Variants in DGKB observed in about 807,000 individuals in gnomAD.
DGKB encodes the protein diacylglycerol kinase beta.
Under a neutral mutation model 114.3 loss-of-function variants are expected in DGKB, and 67 were observed. The ratio of observed to expected loss-of-function variants is 0.59; its 90% CI spans 0.48 to 0.72. The LOEUF (loss-of-function observed/expected upper bound fraction) is 0.72. Ranked by LOEUF, DGKB falls within the 30% of genes least tolerant of loss-of-function variation. The pLI is 0.00. For synonymous variants in DGKB, 398 were observed against 323.1 expected, an observed-to-expected ratio of 1.23 and a Z score of -2.49; for missense variants, 907 against 975.2, an observed-to-expected ratio of 0.93 and a Z score of 0.93.
intron 23 of DGKB, among the ~76,000 whole-genome samples, chr7:14,286,402 C>T (rs937998792): frequency 1.3e-5 from 2 of 152,112 alleles, no homozygotes; most frequent in African/African-American, 4.8e-5. Context: ...TGAAAGAATA[C>T]AGAGAATGTA....
At chr7:14,350,040 G>T (rs1813166511) in intron 21 of DGKB, among the ~76,000 whole-genome samples, 1 of 152,026 alleles carries the variant, frequency 6.6e-6, no homozygotes, top group Admixed American at 6.6e-5. Flanking sequence ...TAAACCCTAT[G>T]CCAATGAATG....
At chr7:14,872,212 C>T (rs1852574840) in intron 1 of DGKB, among the ~76,000 whole-genome samples, 1 of 152,114 alleles carries the variant, frequency 6.6e-6, no homozygotes, top group Non-Finnish European at 1.5e-5. Context: ...ATAAATGACA[C>T]CAATTTCTCC....
intron 1 of DGKB, among the ~76,000 whole-genome samples, chr7:14,843,061 G>A (rs1396273548): frequency 6.6e-6 from 1 of 151,878 alleles, no homozygotes; most frequent in Non-Finnish European, 1.5e-5. Context: ...AACATTAGTT[G>A]GATGTAGTGG....
chr7:14,400,934 C>T (rs768894190), intron 21 of DGKB, among the ~76,000 whole-genome samples: 12 of 151,664 alleles, frequency 7.9e-5, no homozygotes, highest in Non-Finnish European at 1.2e-4. Flanking sequence ...GGGAATCTAC[C>T]GAGCTATCCT....
intron 20 of DGKB, among the ~76,000 whole-genome samples, chr7:14,499,094 C>G (rs1378246571): frequency 6.6e-6 from 1 of 151,676 alleles, no homozygotes; most frequent in Non-Finnish European, 1.5e-5. Flanking sequence ...AAAGATAACT[C>G]TGTGGTTCGG....
rs549128104 is a variant in DGKB, at chr7:14,750,334, A to C, written c.168+3594T>G. On this transcript the variant is annotated intron_variant, in intron 4 of 25. Transcript: ENST00000402815. Reference sequence around the variant, plus strand: ...AATTGGTCTGCCGTTTGAGAAAAAAAAGATATACACAAATAAGGTATAACA... The same window carrying C: ...AATTGGTCTGCCGTTTGAGAAAAAACAGATATACACAAATAAGGTATAACA... 9.7e-4 allele frequency: 395 copies of C among 406,240 alleles called. 4 individuals carry two copies. The highest frequency in any genetic ancestry group is 6.8e-3 in the South Asian group (385 of 56,394). The allele number at this position is 406,240 out of a possible 1,614,324, so 25.2% of individuals were successfully genotyped here.
At chr7:14,417,390 T>A (rs527591705) in intron 21 of DGKB, among the ~76,000 whole-genome samples, 13 of 152,158 alleles carry the variant, frequency 8.5e-5, no homozygotes, top group Non-Finnish European at 8.8e-5. Context: ...AGTGGAGTTA[T>A]CCTGGCTCAG....
At chr7:14,602,084 C>G (rs66473448) in intron 17 of DGKB, among the ~76,000 whole-genome samples, 42,114 of 151,950 alleles carry the variant, frequency 0.28, 6,693 homozygotes, top group East Asian at 0.68. Flanking sequence ...TCCTTAGTAC[C>G]AATTCTGTCT....
chr7:14,386,439 G>A (rs1054018882), intron 21 of DGKB, among the ~76,000 whole-genome samples: 3 of 152,094 alleles, frequency 2.0e-5, no homozygotes, highest in Non-Finnish European at 4.4e-5. Flanking sequence ...GCCCTAACAC[G>A]TGACTCCTGT....
chr7:14,192,266 T>C (rs1183853546), intron 23 of DGKB: 1 of 205,260 alleles, frequency 4.9e-6, no homozygotes, highest in Non-Finnish European at 9.8e-6. Context: ...TTCACTAAAA[T>C]TGCAGGATAC....
chr7:14,759,049 C>A (rs746643863), intron 2 of DGKB, among the ~76,000 whole-genome samples: 1 of 152,124 alleles, frequency 6.6e-6, no homozygotes, highest in South Asian at 2.1e-4. Context: ...CTCAGCCTCC[C>A]AAGTAGCTGG....
chr7:14,225,462 C>A (rs1456305761), intron 23 of DGKB, among the ~76,000 whole-genome samples: 4 of 152,012 alleles, frequency 2.6e-5, no homozygotes, highest in Non-Finnish European at 4.4e-5. Context: ...TTTCTTAAAG[C>A]GGTTTTTATC....
At chr7:14,189,292 C>T (rs1466635420) in intron 23 of DGKB, among the ~76,000 whole-genome samples, 3 of 152,108 alleles carry the variant, frequency 2.0e-5, no homozygotes, top group Non-Finnish European at 4.4e-5. Context: ...GGAAGGAAAA[C>T]TGTCTAGAGT....
At chr7:14,760,341 A>C (rs1835504505) in intron 2 of DGKB, among the ~76,000 whole-genome samples, 1 of 152,152 alleles carries the variant, frequency 6.6e-6, no homozygotes, top group Non-Finnish European at 1.5e-5. Context: ...AGTTGAAACA[A>C]TAGCATTGCA....
At chr7:14,225,894 CA>C (rs1431053317) in intron 23 of DGKB, among the ~76,000 whole-genome samples, 1 of 151,498 alleles carries the variant, frequency 6.6e-6, no homozygotes, top group African/African-American at 2.4e-5. Context: ...AAATTTAGAC[CA>C]TTTAATTTTA....
At chr7:14,660,834 T>C (rs1328562602) in intron 13 of DGKB, among the ~76,000 whole-genome samples, 5 of 152,058 alleles carry the variant, frequency 3.3e-5, no homozygotes, top group Admixed American at 2.0e-4. Flanking sequence ...CCAAACAGCA[T>C]GCTACTGGTA....
At chr7:14,366,629 G>C (rs150694040) in intron 21 of DGKB, among the ~76,000 whole-genome samples, 2 of 151,944 alleles carry the variant, frequency 1.3e-5, no homozygotes, top group African/African-American at 4.8e-5. Context: ...TCTTTGTTTC[G>C]TAATGCAAAT....
chr7:14,147,875 C>T lies in DGKB; in HGVS notation c.*1256G>A, dbSNP rs907391831. 2 of 152,240 alleles carry T rather than the reference C, an allele frequency of 1.3e-5. No individual in the cohort carries two copies. Among genetic ancestry groups the T allele is most frequent in the Non-Finnish European group, 2.9e-5 (2 of 68,002 alleles). The allele number at this position is 152,240 out of a possible 1,614,324, so 9.4% of individuals were successfully genotyped here. ...ACTCCAACTATGCCATGAACACCTTCAACAGTGATCTAGGCTGTTGTTTCC... is the reference window on the plus strand; with the variant it reads ...ACTCCAACTATGCCATGAACACCTTTAACAGTGATCTAGGCTGTTGTTTCC... On this transcript the variant is annotated 3_prime_UTR_variant, in exon 26 of 26. Transcript: ENST00000402815.
chr7:14,155,955 C>T (rs1782954710), intron 25 of DGKB, among the ~76,000 whole-genome samples: 1 of 152,040 alleles, frequency 6.6e-6, no homozygotes, highest in Non-Finnish European at 1.5e-5. Context: ...ATAACAATGT[C>T]AGCAATTGAG....
Sources: gnomAD v4.1 joint callset for allele counts (sites outside exome capture counted in the v4.1 genomes callset) on GRCh38, gnomAD v4.1.1 for gene constraint, MANE v1.5 for transcripts, NCBI Gene and HGNC (gene_info 2026-07-23, HGNC 2026-07-21) for gene names.